Variants in WDFY2 observed in about 807,000 individuals in gnomAD.
WDFY2 encodes the protein WD repeat and FYVE domain-containing protein 2.
WDFY2 carries 36 observed loss-of-function variants against 56.4 expected under a neutral mutation model. The observed-to-expected ratio is 0.64, with a 90% CI of 0.49 to 0.84. The LOEUF is 0.84. Ranked by LOEUF, WDFY2 falls within the 40% of genes least tolerant of loss-of-function variation. WDFY2 has a pLI of 0.00. For missense variants in WDFY2, 444 were observed against 512.2 expected (o/e 0.87, Z 1.29); for synonymous variants, 176 against 183.7 (o/e 0.96, Z 0.34).
In WDFY2 at chr13:51,755,384, C is replaced by T. The variant is rs764188639; in HGVS notation, c.858C>T (p.Ser286=). 1.4e-5 allele frequency: 22 copies of T among 1,614,044 alleles called. No homozygotes were observed. In the South Asian group the frequency reaches 2.0e-4, roughly 14 times the overall value. The change falls in exon 9 of 12, where the codon TCC becomes TCT. Residue 286 remains serine (S), a synonymous_variant. Transcript: ENST00000298125. ...CCCCTGAATGGTTGGACAGTGATTCCTGCCAAAAGTGTGATCAGCCTTTCT... is the reference window on the plus strand; with the variant it reads ...CCCCTGAATGGTTGGACAGTGATTCTTGCCAAAAGTGTGATCAGCCTTTCT... The part of the protein sequence containing the change: ...QETPEWLDSD[S]CQKCDQPFFW...
At chr13:51,712,828 T>C (rs1298199322) in intron 4 of WDFY2, among the ~76,000 whole-genome samples, 2 of 151,970 alleles carry the variant, frequency 1.3e-5, no homozygotes, top group Non-Finnish European at 2.9e-5. Flanking sequence ...ATTTAAAGGA[T>C]AATATGTAAT....
chr13:51,585,901 A>G (rs992966507), intron 1 of WDFY2: 18 of 397,312 alleles, frequency 4.5e-5, no homozygotes, highest in Middle Eastern at 1.3e-3. Context: ...GGCCTCAACA[A>G]TTGAGCTCGA....
intron 1 of WDFY2, among the ~76,000 whole-genome samples, chr13:51,595,684 TAGA>T (rs1233929108): frequency 6.6e-6 from 1 of 152,078 alleles, no homozygotes; most frequent in African/African-American, 2.4e-5. Context: ...CTTTGATATT[TAGA>T]AGAAGAAAAA....
At chr13:51,713,032 G>T (rs918162469) in intron 4 of WDFY2, among the ~76,000 whole-genome samples, 1 of 152,136 alleles carries the variant, frequency 6.6e-6, no homozygotes, top group African/African-American at 2.4e-5. Context: ...CTTTACTGGT[G>T]AATTTTATGA....
chr13:51,711,709 A>T (rs1489743001), intron 4 of WDFY2, among the ~76,000 whole-genome samples: 2 of 152,276 alleles, frequency 1.3e-5, no homozygotes, highest in African/African-American at 4.8e-5. Context: ...ATCACTGGTC[A>T]TCAGAGAAAT....
chr13:51,748,414 G>T (rs1481809915), intron 7 of WDFY2, among the ~76,000 whole-genome samples: 2 of 152,162 alleles, frequency 1.3e-5, no homozygotes, highest in African/African-American at 4.8e-5. Flanking sequence ...CTATTGGAGT[G>T]TTCATTTCAT....
chr13:51,748,435 G>A (rs982217214), intron 7 of WDFY2, among the ~76,000 whole-genome samples: 8 of 152,266 alleles, frequency 5.3e-5, no homozygotes, highest in South Asian at 4.2e-4. Context: ...TTGTGACTTC[G>A]AGCTTTATTT....
intron 3 of WDFY2, among the ~76,000 whole-genome samples, chr13:51,686,594 C>T (rs1956066064): frequency 6.6e-6 from 1 of 151,998 alleles, no homozygotes; most frequent in South Asian, 2.1e-4. Flanking sequence ...TTTTGGTGTT[C>T]ATTACTTGCC....
chr13:51,584,954 C>T, intron 1 of WDFY2, 130 bp downstream of exon 1: 5 of 1,298,186 alleles, frequency 3.9e-6, no homozygotes, highest in Non-Finnish European at 5.2e-6. Flanking sequence ...TTGTAATGCG[C>T]ATCCTGGTGG....
At chr13:51,621,205 G>A (rs1393722632) in intron 1 of WDFY2, among the ~76,000 whole-genome samples, 3 of 152,084 alleles carry the variant, frequency 2.0e-5, no homozygotes, top group Non-Finnish European at 2.9e-5. Context: ...TATATTAATA[G>A]CTTTTGAAAA....
rs1399241850 is a variant in WDFY2 at position 51,719,283 on chromosome 13, G to T, written c.420G>T (p.Trp140Cys). The T allele has an allele frequency of 1.9e-6, 3 of 1,614,040 alleles. No homozygotes were observed. Among genetic ancestry groups the T allele is most frequent in the South Asian group, 1.1e-5 (1 of 91,074 alleles). ...CAGGACAGGACAAGCAATTTGCCTG[G>T]CACTGCTCTGAGAGTGGGCAGCGCC... ...LSTGQDKQFAWHCSESGQRLG... is the reference protein window; with the variant it reads ...LSTGQDKQFACHCSESGQRLG... Residue 140 changes from tryptophan (W) to cysteine (C), a missense_variant, in exon 5 of 12, where the codon TGG becomes TGT. Coordinates refer to ENST00000298125, the MANE Select transcript of WDFY2 (RefSeq NM_052950.4).
chr13:51,756,672 A>G, intron 10 of WDFY2: 2 of 981,910 alleles, frequency 2.0e-6, no homozygotes, highest in Non-Finnish European at 2.4e-6. Flanking sequence ...CAAAGAATTC[A>G]TCTCTGTGTT....
intron 1 of WDFY2, chr13:51,587,582 T>G (rs1189125272): frequency 6.6e-6 from 1 of 152,240 alleles, no homozygotes; most frequent in Non-Finnish European, 1.5e-5. Flanking sequence ...ACTCTGAAAG[T>G]CCATGAATTG....
intron 3 of WDFY2, among the ~76,000 whole-genome samples, chr13:51,698,042 T>C (rs1951912276): frequency 6.6e-6 from 1 of 152,212 alleles, no homozygotes; most frequent in South Asian, 2.1e-4. Flanking sequence ...CTTATGAGGC[T>C]AGTACACAAA....
chr13:51,759,671 T>C, intron 11 of WDFY2, 69 bp from the exon 12 acceptor site: 1 of 1,505,060 alleles, frequency 6.6e-7, no homozygotes, highest in Non-Finnish European at 9.2e-7. Context: ...CCTTGAAGAA[T>C]TCAGTTCTAA....
intron 6 of WDFY2, among the ~76,000 whole-genome samples, chr13:51,733,317 G>A (rs560828099): frequency 2.0e-5 from 3 of 152,310 alleles, no homozygotes; most frequent in South Asian, 2.1e-4. Context: ...GATTACAGGC[G>A]TGAGCCACTG....
chr13:51,654,769 T>G (rs1955476906), intron 1 of WDFY2, among the ~76,000 whole-genome samples: 1 of 152,236 alleles, frequency 6.6e-6, no homozygotes, highest in African/African-American at 2.4e-5. Context: ...TTTTGATCTC[T>G]AAGATGCAGA....
intron 3 of WDFY2, among the ~76,000 whole-genome samples, chr13:51,697,884 C>A (rs1446187308): frequency 6.6e-6 from 1 of 152,206 alleles, no homozygotes; most frequent in African/African-American, 2.4e-5. Flanking sequence ...AATTCTAATT[C>A]TTCAATTATA....
chr13:51,625,237 A>G (rs1050445031), intron 1 of WDFY2, among the ~76,000 whole-genome samples: 5 of 152,230 alleles, frequency 3.3e-5, no homozygotes, highest in African/African-American at 1.2e-4. Flanking sequence ...TAGTTATTTC[A>G]TAATTCAGAC....
Sources: gnomAD v4.1 joint callset for allele counts (sites outside exome capture counted in the v4.1 genomes callset) on GRCh38, gnomAD v4.1.1 for gene constraint, MANE v1.5 for transcripts, NCBI Gene and HGNC (gene_info 2026-07-23, HGNC 2026-07-21) for gene names.